Variants in TG observed in about 807,000 individuals in gnomAD.
TG encodes the protein thyroglobulin, also known as thyroid hormones.
Under a neutral mutation model 324.7 loss-of-function variants are expected in TG, and 270 were observed. That is an observed-to-expected ratio of 0.83 (90% CI 0.75 to 0.92). TG has a LOEUF of 0.92. TG is among the 40% of genes least tolerant of loss of function. The probability of loss-of-function intolerance (pLI) is 0.00; values close to 1 mark genes in which losing one functional copy is unlikely to be tolerated. For missense variants in TG, 3,591 were observed against 3,456.4 expected, an observed-to-expected ratio of 1.04 and a Z score of -0.98; for synonymous variants, 1,401 against 1,327.0, an observed-to-expected ratio of 1.06 and a Z score of -1.21.
At chr8:132,987,058 A>G (rs996293223) in intron 35 of TG, among the ~76,000 whole-genome samples, 4 of 152,134 alleles carry the variant, frequency 2.6e-5, no homozygotes, top group African/African-American at 9.7e-5. Flanking sequence ...AATTACCTAC[A>G]AAAGAAAAAA....
At chr8:132,996,480 A>G (rs773338986) in intron 35 of TG, among the ~76,000 whole-genome samples, 4 of 152,222 alleles carry the variant, frequency 2.6e-5, no homozygotes, top group Non-Finnish European at 5.9e-5. Flanking sequence ...TGCTGCTGTT[A>G]AGCACACAGT....
intron 41 of TG, chr8:133,049,610 C>T: frequency 2.4e-6 from 1 of 410,604 alleles, no homozygotes; most frequent in Non-Finnish European, 4.6e-6. Context: ...CTGTGCTGTG[C>T]CCTCCCATAA....
rs762882159 is a variant in TG at position 132,866,962 on chromosome 8, A to G, written c.-39A>G. ...CCTGGCCAGGGGACCTAGGGCAAGC[A>G]GTGGTTTCTCCTCCTTCCTCCCAGG... On this transcript the variant is annotated 5_prime_UTR_variant, in exon 1 of 48. Coordinates refer to ENST00000220616, the MANE Select transcript of TG (RefSeq NM_003235.5). The G allele has an allele frequency of 1.3e-6, 2 of 1,525,380 alleles. No homozygotes were observed. The highest frequency in any genetic ancestry group is 1.8e-6 in the Non-Finnish European group (2 of 1,118,148). 94.5% of individuals were successfully genotyped at this position (1,525,380 alleles called of 1,614,324 possible). A position where few individuals can be genotyped will look rare whatever the true frequency, so the allele number is the denominator to read the frequency against.
rs144915229 is a variant in TG, at chr8:132,924,728, G to A, written c.4699+1220G>A. On this transcript the variant is annotated intron_variant, in intron 22 of 47. Coordinates refer to ENST00000220616, the MANE Select transcript of TG (RefSeq NM_003235.5). ...GCCTTTACTGGCTGTGTAGTCTTAA[G>A]CAAGTCACTCACCCTCAGCAGTTTC... is the stretch of plus-strand genomic sequence containing the variant. Among the ~76,000 whole-genome samples, 117 of 152,324 alleles carry A rather than the reference G, an allele frequency of 7.7e-4. No homozygotes were observed. The East Asian group carries it at 0.021, about 28-fold the overall frequency.
intron 37 of TG, among the ~76,000 whole-genome samples, chr8:133,015,085 C>T (rs1834900235): frequency 6.6e-6 from 1 of 152,164 alleles, no homozygotes; most frequent in Non-Finnish European, 1.5e-5. Flanking sequence ...GCTGGCCAGG[C>T]TGGTCTTGAA....
intron 5 of TG, among the ~76,000 whole-genome samples, chr8:132,881,486 T>C (rs947881558): frequency 6.6e-5 from 10 of 152,230 alleles, no homozygotes; most frequent in African/African-American, 2.4e-4. Context: ...TAAAGCAGAC[T>C]TGGCCTTTAG....
At chr8:133,059,938 T>C (rs1185875835) in intron 41 of TG, among the ~76,000 whole-genome samples, 1 of 152,234 alleles carries the variant, frequency 6.6e-6, no homozygotes, top group East Asian at 1.9e-4. Flanking sequence ...CTTTTAATTA[T>C]GAAGTATTTG....
intron 11 of TG, among the ~76,000 whole-genome samples, chr8:132,897,085 C>T (rs1817226063): frequency 6.6e-6 from 1 of 152,184 alleles, no homozygotes; most frequent in Non-Finnish European, 1.5e-5. Context: ...GGGTTAAAAA[C>T]TAAACTGTAG....
intron 41 of TG, chr8:133,049,836 T>C (rs1160319478): frequency 9.5e-7 from 1 of 1,055,550 alleles, no homozygotes; most frequent in Non-Finnish European, 1.5e-6. Flanking sequence ...GGAATCTTTG[T>C]TCCACCTTAT....
intron 25 of TG, among the ~76,000 whole-genome samples, chr8:132,939,985 GT>G (rs895271286): frequency 8.6e-5 from 13 of 151,812 alleles, no homozygotes; most frequent in Admixed American, 3.3e-4. Context: ...CCCAGTATAT[GT>G]TTTTTTTACC....
At chr8:132,965,343 G>A (rs1261753043) in intron 29 of TG, among the ~76,000 whole-genome samples, 3 of 152,202 alleles carry the variant, frequency 2.0e-5, no homozygotes, top group African/African-American at 7.2e-5. Context: ...ACCTTGTCCA[G>A]TGGTTCTTTC....
chr8:133,042,006 C>T (rs1174770151), intron 41 of TG, among the ~76,000 whole-genome samples: 1 of 151,836 alleles, frequency 6.6e-6, no homozygotes, highest in Admixed American at 6.6e-5. Flanking sequence ...CCAGGATGGT[C>T]TCAATCTCCT....
Position 132,887,239 on chromosome 8 carries a change from G to C in TG, c.1867G>C (p.Glu623Gln). The C allele has an allele frequency of 6.2e-7, 1 of 1,606,634 alleles. No individual in the cohort carries two copies. The highest frequency in any genetic ancestry group is 1.7e-5 in the Admixed American group (1 of 59,518). Residue 623 changes from glutamate (E) to glutamine (Q), a missense_variant, in exon 9 of 48, where the codon GAA becomes CAA. Transcript: ENST00000220616. Reference protein sequence around the residue: ...ERLFVPSCTTEGSYEDVQCFS... With the variant: ...ERLFVPSCTTQGSYEDVQCFS... The stretch of plus-strand genomic sequence containing the variant: ...GCTATTTGTCCCATCATGCACGACA[G>C]AAGGAAGCTATGAGGATGTCCAATG...
At chr8:133,040,473 T>C in intron 41 of TG, 1 of 270,932 alleles carries the variant, frequency 3.7e-6, no homozygotes, top group South Asian at 5.0e-5. Flanking sequence ...AACTGCAGAA[T>C]GAAAGAAATG....
chr8:133,118,320 CTTTTTTTTTTTTT>C (rs34171048), intron 45 of TG, among the ~76,000 whole-genome samples: 1 of 88,978 alleles, frequency 1.1e-5, no homozygotes, highest in Non-Finnish European at 2.2e-5. Context: ...CAGATTCTTC[CTTTTTTTTTTTTT>C]TTTTTTTTTT....
chr8:132,996,361 T>A (rs1206406084), intron 35 of TG, among the ~76,000 whole-genome samples: 1 of 152,240 alleles, frequency 6.6e-6, no homozygotes, highest in Non-Finnish European at 1.5e-5. Context: ...ATAATAATAA[T>A]CTTAATCTTT....
chr8:132,984,267 G>A (rs1831254884), intron 35 of TG, among the ~76,000 whole-genome samples: 1 of 152,216 alleles, frequency 6.6e-6, no homozygotes, highest in South Asian at 2.1e-4. Context: ...TCATGTAGGA[G>A]GAAATTATTT....
intron 22 of TG, among the ~76,000 whole-genome samples, chr8:132,924,537 G>A (rs565538620): frequency 1.3e-5 from 2 of 152,248 alleles, no homozygotes; most frequent in Non-Finnish European, 2.9e-5. Flanking sequence ...CAACAAATAC[G>A]TATTGAGCTC....
At chr8:133,078,703 T>C (rs1845276698) in intron 41 of TG, among the ~76,000 whole-genome samples, 1 of 152,210 alleles carries the variant, frequency 6.6e-6, no homozygotes, top group African/African-American at 2.4e-5. Flanking sequence ...ACACTCTTTT[T>C]TCTCTGTTTT....
Sources: allele counts gnomAD v4.1 joint callset (sites outside exome capture counted in the v4.1 genomes callset), GRCh38; gene constraint gnomAD v4.1.1; transcripts MANE v1.5; gene names NCBI Gene and HGNC (gene_info 2026-07-23, HGNC 2026-07-21).